Variants in CACNA1C observed in about 807,000 individuals in gnomAD.
The protein encoded by CACNA1C is calcium voltage-gated channel subunit alpha1 C, also known as voltage-dependent L-type calcium channel subunit alpha-1C.
In CACNA1C, 30 loss-of-function variants were observed where a neutral mutation model predicts 229.0. That is an observed-to-expected ratio of 0.13 (90% CI 0.10 to 0.18). CACNA1C has a LOEUF of 0.18. CACNA1C is among the 10% of genes least tolerant of loss of function. The pLI is 1.00. For missense variants in CACNA1C, 1,658 were observed against 2,845.0 expected (o/e 0.58, Z 9.49); for synonymous variants, 1,114 against 1,132.5 (o/e 0.98, Z 0.33).
chr12:2,021,606 G>A (rs1555232747), intron 1 of CACNA1C, among the ~76,000 whole-genome samples: 45 of 151,812 alleles, frequency 3.0e-4, no homozygotes. Flanking sequence ...CTTGAACCCG[G>A]GAGGTGGAGG....
intron 1 of CACNA1C, among the ~76,000 whole-genome samples, chr12:2,058,806 A>T (rs1167705534): frequency 6.6e-6 from 1 of 152,212 alleles, no homozygotes; most frequent in African/African-American, 2.4e-5. Context: ...ACTGCAGAAA[A>T]AGCAAAATGG....
At chr12:2,672,192 C>T (rs543623341) in intron 38 of CACNA1C, 6 of 152,204 alleles carry the variant, frequency 3.9e-5, no homozygotes, top group East Asian at 1.9e-4. Flanking sequence ...TCTCTTGGAA[C>T]GTAGAAGGAA....
chr12:2,589,137 G>T (rs1601301680), intron 18 of CACNA1C, among the ~76,000 whole-genome samples: 1 of 152,212 alleles, frequency 6.6e-6, no homozygotes, highest in Non-Finnish European at 1.5e-5. Flanking sequence ...AGCATTTAAT[G>T]TGTGCCAGGC....
intron 3 of CACNA1C, among the ~76,000 whole-genome samples, chr12:2,279,577 T>A (rs1488283157): frequency 6.6e-6 from 1 of 152,240 alleles, no homozygotes; most frequent in Non-Finnish European, 1.5e-5. Context: ...CCCTTTCTAA[T>A]CCCTAGTGAT....
intron 3 of CACNA1C, among the ~76,000 whole-genome samples, chr12:2,254,650 G>A (rs188433393): frequency 3.3e-5 from 5 of 152,172 alleles, no homozygotes; most frequent in African/African-American, 9.6e-5. Context: ...ACACCTGCCC[G>A]TGGGATAAGG....
At chr12:2,277,235 C>A (rs889386611) in intron 3 of CACNA1C, among the ~76,000 whole-genome samples, 3 of 152,090 alleles carry the variant, frequency 2.0e-5, no homozygotes, top group African/African-American at 7.2e-5. Flanking sequence ...TGAGCCATTA[C>A]TTGGAAACAC....
intron 3 of CACNA1C, among the ~76,000 whole-genome samples, chr12:2,186,863 G>A (rs1398380851): frequency 6.6e-6 from 1 of 152,164 alleles, no homozygotes; most frequent in Non-Finnish European, 1.5e-5. Context: ...TCTGCATTCA[G>A]GTCTGCCTGA....
intron 30 of CACNA1C, among the ~76,000 whole-genome samples, chr12:2,637,620 G>T (rs887066412): frequency 3.9e-5 from 6 of 152,222 alleles, no homozygotes; most frequent in Non-Finnish European, 8.8e-5. Context: ...GAGCAAGGTC[G>T]CTCCCTCCCA....
At chr12:2,099,813 C>T (rs1228298998) in intron 1 of CACNA1C, among the ~76,000 whole-genome samples, 1 of 152,166 alleles carries the variant, frequency 6.6e-6, no homozygotes, top group Non-Finnish European at 1.5e-5. Context: ...TCCCCATTAC[C>T]CCCAGCACCA....
intron 3 of CACNA1C, among the ~76,000 whole-genome samples, chr12:2,151,016 C>G (rs1390994086): frequency 6.6e-6 from 1 of 152,148 alleles, no homozygotes; most frequent in Non-Finnish European, 1.5e-5. Flanking sequence ...GCTGAGTTCA[C>G]TGTTGGTCTG....
intron 3 of CACNA1C, among the ~76,000 whole-genome samples, chr12:2,197,673 C>T (rs58132874): frequency 0.037 from 5,576 of 152,256 alleles, 333 homozygotes; most frequent in African/African-American, 0.12. Flanking sequence ...CTTTCCCCTC[C>T]TCCAAAAACA....
At chr12:2,137,389 A>G (rs2093646799) in intron 3 of CACNA1C, among the ~76,000 whole-genome samples, 1 of 151,114 alleles carries the variant, frequency 6.6e-6, no homozygotes, top group African/African-American at 2.4e-5. Context: ...TGCTCCGCCC[A>G]GCTCTACCAA....
chr12:2,462,619 C>T (rs528026363), intron 5 of CACNA1C, among the ~76,000 whole-genome samples: 8 of 152,336 alleles, frequency 5.3e-5, no homozygotes, highest in Non-Finnish European at 1.2e-4. Context: ...CATGGTTACA[C>T]GGACGCCCAT....
At position 2,215,115 on chromosome 12, in the gene CACNA1C, G is replaced by T. The variant is rs934012473; in HGVS notation, c.477+94685G>T. The stretch of plus-strand genomic sequence containing the variant: ...GCAAACGTGTGCTGCATGAGATGGG[G>T]AAACGAAGCCATGTTTGCCGGCATA... On this transcript the variant is annotated intron_variant, in intron 3 of 46. Transcript: ENST00000399655. This position sits in a 1 kb window ranked among gnomAD's most constrained non-coding sequence, Gnocchi z 5.0. Among the ~76,000 whole-genome samples the T allele has an allele frequency of 2.0e-5, 3 of 152,150 alleles. No homozygotes were observed. The highest frequency in any genetic ancestry group is 7.2e-5 in the African/African-American group (3 of 41,422).
At chr12:1,993,039 G>A in intron 1 of CACNA1C, 1 of 675,574 alleles carries the variant, frequency 1.5e-6, no homozygotes, top group South Asian at 1.8e-5. Flanking sequence ...CAAAAGACAG[G>A]GTTTAGGTTT....
chr12:2,005,614 T>A (rs2154480895), intron 1 of CACNA1C, among the ~76,000 whole-genome samples: 1 of 152,336 alleles, frequency 6.6e-6, no homozygotes, highest in South Asian at 2.1e-4. Context: ...ACTTAATGTT[T>A]TTTTTTCTGA....
At position 2,181,517 on chromosome 12, in the gene CACNA1C, G is replaced by A. The variant is rs1253849581; in HGVS notation, c.477+61087G>A. ...TTGCTGAAAGGCGTAATAGGGGAGCGCAGATTTGAGGGTCATGCCCATGAA... is the reference window on the plus strand; with the variant it reads ...TTGCTGAAAGGCGTAATAGGGGAGCACAGATTTGAGGGTCATGCCCATGAA... On this transcript the variant is annotated intron_variant, in intron 3 of 46. Coordinates refer to ENST00000399655, the MANE Select transcript of CACNA1C (RefSeq NM_000719.7). This position sits in a 1 kb window ranked among gnomAD's most constrained non-coding sequence, Gnocchi z 4.0. Among the ~76,000 whole-genome samples, 1 of 152,074 alleles carries A rather than the reference G, an allele frequency of 6.6e-6. No homozygotes were observed. The highest frequency in any genetic ancestry group is 6.6e-5 in the Admixed American group (1 of 15,264).
At chr12:2,081,697 G>A (rs2065713762) in intron 1 of CACNA1C, among the ~76,000 whole-genome samples, 1 of 152,114 alleles carries the variant, frequency 6.6e-6, no homozygotes, top group Non-Finnish European at 1.5e-5. Flanking sequence ...TCATGAACCT[G>A]GCATTGCAAA....
chr12:2,011,955 G>T (rs2044523426), intron 1 of CACNA1C, among the ~76,000 whole-genome samples: 2 of 151,938 alleles, frequency 1.3e-5, no homozygotes, highest in African/African-American at 4.8e-5. Flanking sequence ...AGAAGCAGTT[G>T]GGAAAGAGTG....
Sources: gnomAD v4.1 joint callset for allele counts (sites outside exome capture counted in the v4.1 genomes callset) on GRCh38, gnomAD v4.1.1 for gene constraint, Gnocchi (gnomAD v3.1) non-coding constraint, MANE v1.5 for transcripts, NCBI Gene and HGNC (gene_info 2026-07-23, HGNC 2026-07-21) for gene names.